ARHGAP25: variants seen among roughly 807,000 people sequenced by gnomAD.
ARHGAP25 encodes the protein rho GTPase-activating protein 25.
ARHGAP25 carries 34 observed loss-of-function variants against 71.0 expected under a neutral mutation model. The ratio of observed to expected loss-of-function variants is 0.48; its 90% CI spans 0.36 to 0.64. The LOEUF is 0.64. ARHGAP25 is among the 30% of genes least tolerant of loss of function. The probability of loss-of-function intolerance (pLI) is 0.00; values close to 1 mark genes in which losing one functional copy is unlikely to be tolerated. For synonymous variants in ARHGAP25, 282 were observed against 296.5 expected, an observed-to-expected ratio of 0.95 and a Z score of 0.50; for missense variants, 706 against 805.1, an observed-to-expected ratio of 0.88 and a Z score of 1.49.
intron 1 of ARHGAP25, among the ~76,000 whole-genome samples, chr2:68,749,864 T>A (rs1421376537): frequency 6.6e-6 from 1 of 152,246 alleles, no homozygotes; most frequent in Non-Finnish European, 1.5e-5. Flanking sequence ...CACAGCACAA[T>A]GGCAACACAT....
chr2:68,748,300 ATAT>A (rs780300527), intron 1 of ARHGAP25, among the ~76,000 whole-genome samples: 23 of 152,170 alleles, frequency 1.5e-4, no homozygotes, highest in Non-Finnish European at 2.8e-4. Flanking sequence ...TTTAGTTCAA[ATAT>A]TATCTCTTCA....
rs1675156922 is a variant in ARHGAP25, at chr2:68,735,327, G to T, written c.61+67G>T. 29 of 1,484,306 alleles carry T rather than the reference G, an allele frequency of 2.0e-5. No homozygotes were observed. The South Asian group carries it at 2.7e-4, about 14-fold the overall frequency. The allele number at this position is 1,484,306 out of a possible 1,614,324, so 91.9% of individuals were successfully genotyped here. A position where few individuals can be genotyped will look rare whatever the true frequency, so the allele number is the denominator to read the frequency against. On this transcript the variant is annotated intron_variant, in intron 1 of 10. Coordinates refer to ENST00000409202, the MANE Select transcript of ARHGAP25 (RefSeq NM_001007231.3). ...ATACTCGAGCACCATTTGCATGTTG[G>T]TCTGCAGGGAGCATAGTCTACTTAA...
At chr2:68,712,497 A>G (rs1223701175) in intron 2 of ARHGAP25, among the ~76,000 whole-genome samples, 1 of 152,090 alleles carries the variant, frequency 6.6e-6, no homozygotes, top group Non-Finnish European at 1.5e-5. Context: ...TTCTGTACAG[A>G]AGCTCTTTAG....
intron 8 of ARHGAP25, among the ~76,000 whole-genome samples, chr2:68,818,612 G>A (rs1681405311): frequency 6.6e-6 from 1 of 152,250 alleles, no homozygotes; most frequent in Non-Finnish European, 1.5e-5. Flanking sequence ...ACAGGCGTGA[G>A]CCGCTGTGCC....
At position 68,826,622 on chromosome 2, in the gene ARHGAP25, C is replaced by T. The variant is rs75478626; in HGVS notation, c.*428C>T. ...AGACACAGGGGCAGAAAATGACATT[C>T]ATCTTTTGAGTCCTCATCCATGGAG... On this transcript the variant is annotated 3_prime_UTR_variant, in exon 11 of 11. Coordinates refer to ENST00000409202, the MANE Select transcript of ARHGAP25 (RefSeq NM_001007231.3). 0.047 allele frequency: 15,250 copies of T among 323,258 alleles called. 417 individuals carry two copies. The highest frequency in any genetic ancestry group is 0.065 in the East Asian group (790 of 12,150). 20.0% of individuals were successfully genotyped at this position (323,258 alleles called of 1,614,324 possible). A position where few individuals can be genotyped will look rare whatever the true frequency, so the allele number is the denominator to read the frequency against.
At chr2:68,758,901 G>A (rs534949640) in intron 1 of ARHGAP25, among the ~76,000 whole-genome samples, 6 of 151,988 alleles carry the variant, frequency 3.9e-5, no homozygotes, top group South Asian at 2.1e-4. Context: ...ATCGTACAAA[G>A]TATCTTCTCC....
At chr2:68,785,298 G>T (rs550318942) in intron 3 of ARHGAP25, among the ~76,000 whole-genome samples, 2 of 152,216 alleles carry the variant, frequency 1.3e-5, no homozygotes, top group East Asian at 3.9e-4. Flanking sequence ...AGTAAGTAGT[G>T]GGGGCAAGGG....
In ARHGAP25 at chr2:68,767,980, A is replaced by G. The variant is rs937408149; in HGVS notation, c.62-7241A>G. 2.6e-4 allele frequency among the ~76,000 whole-genome samples: 40 copies of G among 152,096 alleles called. No homozygotes were observed. The highest frequency in any genetic ancestry group is 2.4e-3 in the Admixed American group (36 of 15,270). ...TGTCCACTTCACTCTGGATTCTTTAACCCTGTGAATTACTAGACATGGATT... is the reference window on the plus strand; with the variant it reads ...TGTCCACTTCACTCTGGATTCTTTAGCCCTGTGAATTACTAGACATGGATT... On this transcript the variant is annotated intron_variant, in intron 1 of 10. Coordinates refer to ENST00000409202, the MANE Select transcript of ARHGAP25 (RefSeq NM_001007231.3). The surrounding 1 kb of genome is among the most constrained non-coding windows in gnomAD (Gnocchi z 4.6).
At chr2:68,754,962 T>C (rs996644772) in intron 1 of ARHGAP25, among the ~76,000 whole-genome samples, 1 of 152,200 alleles carries the variant, frequency 6.6e-6, no homozygotes, top group African/African-American at 2.4e-5. Flanking sequence ...GCAAATATTT[T>C]CTCCTAACAT....
At chr2:68,720,968 C>G (rs1048724928) in intron 2 of ARHGAP25, among the ~76,000 whole-genome samples, 1 of 152,180 alleles carries the variant, frequency 6.6e-6, no homozygotes, top group African/African-American at 2.4e-5. Context: ...AACGCAGAAA[C>G]ACTCAAAGCA....
upstream of ARHGAP25, among the ~76,000 whole-genome samples, chr2:68,730,095 T>C (rs1674979798): frequency 6.6e-6 from 1 of 152,204 alleles, no homozygotes; most frequent in South Asian, 2.1e-4. Context: ...ATGACTTTTT[T>C]TTGTTAAAGG....
intron 4 of ARHGAP25, among the ~76,000 whole-genome samples, chr2:68,795,915 A>G (rs1679506105): frequency 6.6e-6 from 1 of 152,122 alleles, no homozygotes; most frequent in Non-Finnish European, 1.5e-5. Context: ...TAGGTCAGTA[A>G]TATTTGTTTC....
At chr2:68,711,273 C>T (rs1465659738) in intron 2 of ARHGAP25, among the ~76,000 whole-genome samples, 1 of 152,158 alleles carries the variant, frequency 6.6e-6, no homozygotes, top group Non-Finnish European at 1.5e-5. Flanking sequence ...TCCCATAAGT[C>T]CTTCTCAAAG....
intron 1 of ARHGAP25, among the ~76,000 whole-genome samples, chr2:68,749,009 G>A (rs1332358884): frequency 6.6e-6 from 1 of 152,098 alleles, no homozygotes; most frequent in African/African-American, 2.4e-5. Context: ...GTGGGTAACT[G>A]TGATTAGAGG....
chr2:68,802,132 G>A lies in ARHGAP25; in HGVS notation c.467-5141G>A, dbSNP rs532924236. Reference sequence around the variant, plus strand: ...TATTTGGAATGTACCAACCTAGGCCGGGCGCGGTGGCTCATGCCTGTAATC... The same window carrying A: ...TATTTGGAATGTACCAACCTAGGCCAGGCGCGGTGGCTCATGCCTGTAATC... On this transcript the variant is annotated intron_variant, in intron 4 of 10. Transcript: ENST00000409202. Among the ~76,000 whole-genome samples the A allele has an allele frequency of 3.2e-4, 49 of 152,246 alleles. 1 individual carries two copies. The highest frequency in any genetic ancestry group is 2.3e-3 in the South Asian group (11 of 4,828).
intron 2 of ARHGAP25, among the ~76,000 whole-genome samples, chr2:68,724,393 T>C (rs1674834529): frequency 6.6e-6 from 1 of 152,178 alleles, no homozygotes; most frequent in Admixed American, 6.5e-5. Context: ...AAAACCTCTC[T>C]CATACTAGCC....
At chr2:68,716,867 G>A (rs751494335) in intron 2 of ARHGAP25, among the ~76,000 whole-genome samples, 1 of 152,148 alleles carries the variant, frequency 6.6e-6, no homozygotes, top group Non-Finnish European at 1.5e-5. Context: ...CTGGTTGAAC[G>A]ATTCATGTAG....
At chr2:68,720,316 CAAAAAAA>C (rs11314943) in intron 2 of ARHGAP25, among the ~76,000 whole-genome samples, 3 of 75,690 alleles carry the variant, frequency 4.0e-5, no homozygotes, top group African/African-American at 5.9e-5. Flanking sequence ...ACATTTCAGT[CAAAAAAA>C]AAAAAAAAAA....
intron 8 of ARHGAP25, 121 bp from the exon 9 acceptor site, chr2:68,819,002 A>G (rs1681437965): frequency 2.5e-6 from 2 of 793,956 alleles, no homozygotes; most frequent in African/African-American, 3.5e-5. Context: ...AAGCAAAATG[A>G]GGCCCTTCTG....
Sources: allele counts gnomAD v4.1 joint callset (sites outside exome capture counted in the v4.1 genomes callset), GRCh38; gene constraint gnomAD v4.1.1; non-coding constraint Gnocchi (gnomAD v3.1); transcripts MANE v1.5; gene names NCBI Gene and HGNC (gene_info 2026-07-23, HGNC 2026-07-21).